The following NRXN3 variants were observed in gnomAD, a reference collection of about 807,000 sequenced individuals.
NRXN3 encodes neurexin 3.
In NRXN3, 32 loss-of-function variants were observed where a neutral mutation model predicts 137.6. That is an observed-to-expected ratio of 0.23 (90% CI 0.18 to 0.31). The LOEUF (loss-of-function observed/expected upper bound fraction) is 0.31, where lower values mean the gene tolerates loss of function less well. Among genes scored for constraint, NRXN3 ranks in the 10% least tolerant of loss-of-function variants. The pLI, the probability that NRXN3 is intolerant of heterozygous loss-of-function variation, is 1.00. For missense variants in NRXN3, 1,574 were observed against 2,062.5 expected (o/e 0.76, Z 4.59); for synonymous variants, 798 against 784.5 (o/e 1.02, Z -0.29).
intron 16 of NRXN3, among the ~76,000 whole-genome samples, chr14:79,548,747 TAAA>T (rs35900297): frequency 2.8e-5 from 4 of 141,890 alleles, no homozygotes; most frequent in South Asian, 2.2e-4. Flanking sequence ...ATTTAAAGAT[TAAA>T]AAAAAAAAAA....
intron 8 of NRXN3, among the ~76,000 whole-genome samples, chr14:78,796,820 G>C (rs1378517535): frequency 1.3e-5 from 2 of 151,918 alleles, no homozygotes; most frequent in Non-Finnish European, 2.9e-5. Context: ...GAACAATAAG[G>C]TACTCTTACT....
At chr14:78,520,664 T>C (rs2096272147) in intron 4 of NRXN3, among the ~76,000 whole-genome samples, 2 of 152,206 alleles carry the variant, frequency 1.3e-5, no homozygotes, top group South Asian at 4.1e-4. Flanking sequence ...ATTTGTAAAA[T>C]GTAGACAGGT....
intron 4 of NRXN3, among the ~76,000 whole-genome samples, chr14:78,606,246 A>G (rs538111878): frequency 6.6e-6 from 1 of 152,242 alleles, no homozygotes; most frequent in Admixed American, 6.5e-5. Context: ...TGCTCAATGC[A>G]TGACTCTTGA....
chr14:79,226,103 A>T (rs374870597), intron 15 of NRXN3, among the ~76,000 whole-genome samples: 1 of 152,060 alleles, frequency 6.6e-6, no homozygotes, highest in African/African-American at 2.4e-5. Flanking sequence ...TAGGATGTGG[A>T]CGTCTTTCAG....
chr14:79,628,556 G>A (rs1415394446), intron 16 of NRXN3, among the ~76,000 whole-genome samples: 1 of 152,096 alleles, frequency 6.6e-6, no homozygotes, highest in Non-Finnish European at 1.5e-5. Context: ...TCCTTGTGAG[G>A]GCAGATATTG....
chr14:78,801,738 T>C (rs1011841556), intron 8 of NRXN3, among the ~76,000 whole-genome samples: 1 of 152,242 alleles, frequency 6.6e-6, no homozygotes, highest in Admixed American at 6.5e-5. Context: ...TTTATGTCTA[T>C]AGAGATACTA....
Position 79,784,213 on chromosome 14 carries a change from T to G in NRXN3, c.4015-20899T>G, listed in dbSNP as rs146352875. Reference sequence around the variant, plus strand: ...GGTGTGCTCTGTGGTTATTAACCTGTTGTTGAAACCCTGACTTCAGTTCTA... The same window carrying G: ...GGTGTGCTCTGTGGTTATTAACCTGGTGTTGAAACCCTGACTTCAGTTCTA... On this transcript the variant is annotated intron_variant, in intron 19 of 20. Coordinates refer to ENST00000335750, the MANE Select transcript of NRXN3 (RefSeq NM_001330195.2). Among the ~76,000 whole-genome samples the G allele has an allele frequency of 1.6e-3, 249 of 152,330 alleles. 1 individual carries two copies. The highest frequency in any genetic ancestry group is 5.9e-3 in the African/African-American group (245 of 41,572).
chr14:79,785,755 G>A (rs2099127525), intron 19 of NRXN3, among the ~76,000 whole-genome samples: 1 of 152,102 alleles, frequency 6.6e-6, no homozygotes, highest in African/African-American at 2.4e-5. Flanking sequence ...AATGATTGGT[G>A]AGTCATCAAC....
chr14:79,793,294 C>T (rs1353568018), intron 19 of NRXN3, among the ~76,000 whole-genome samples: 1 of 152,034 alleles, frequency 6.6e-6, no homozygotes, highest in South Asian at 2.1e-4. Flanking sequence ...ATCAGCCGGG[C>T]GCCCCAGCTA....
At chr14:78,485,313 T>C (rs1278632835) in intron 4 of NRXN3, among the ~76,000 whole-genome samples, 1 of 152,160 alleles carries the variant, frequency 6.6e-6, no homozygotes, top group Non-Finnish European at 1.5e-5. Flanking sequence ...CAAAATAAGT[T>C]GCTCCCTTTC....
chr14:78,424,205 C>T (rs890087264), intron 4 of NRXN3, among the ~76,000 whole-genome samples: 4 of 152,210 alleles, frequency 2.6e-5, no homozygotes, highest in Non-Finnish European at 4.4e-5. Context: ...TGTTTTCTTA[C>T]CACATTGTTC....
At chr14:78,347,437 C>G (rs538365125) in intron 4 of NRXN3, among the ~76,000 whole-genome samples, 1 of 152,292 alleles carries the variant, frequency 6.6e-6, no homozygotes, top group South Asian at 2.1e-4. Context: ...TTTTACCAAG[C>G]CACTCCCTGG....
intron 16 of NRXN3, among the ~76,000 whole-genome samples, chr14:79,564,893 C>G (rs1053809708): frequency 2.0e-5 from 3 of 151,782 alleles, no homozygotes; most frequent in African/African-American, 7.3e-5. Context: ...TAAAATGATG[C>G]CAGAGTCTGA....
chr14:79,828,132 A>C (rs2099311060), intron 20 of NRXN3, among the ~76,000 whole-genome samples: 1 of 152,278 alleles, frequency 6.6e-6, no homozygotes, highest in East Asian at 1.9e-4. Flanking sequence ...CAAGAGATTC[A>C]GGCAGAGACA....
At chr14:79,136,617 C>T (rs1668123230) in intron 15 of NRXN3, among the ~76,000 whole-genome samples, 1 of 152,286 alleles carries the variant, frequency 6.6e-6, no homozygotes, top group South Asian at 2.1e-4. Context: ...CTGACAATTG[C>T]TAAGTCCCGG....
rs76925403 is a variant in NRXN3 at position 78,354,499 on chromosome 14, C to T, written c.757+56639C>T. Among the ~76,000 whole-genome samples, 514 of 152,278 alleles carry T rather than the reference C, an allele frequency of 3.4e-3. 2 individuals carry two copies. The highest frequency in any genetic ancestry group is 0.012 in the African/African-American group (486 of 41,556). On this transcript the variant is annotated intron_variant, in intron 4 of 20. Transcript: ENST00000335750. ...GAGATGAGATGCCAAAGTCTCACTG[C>T]CTCTTTCGCTCCCCATGCAGCTGAA...
chr14:79,717,499 C>T (rs886243393), intron 19 of NRXN3, among the ~76,000 whole-genome samples: 5 of 152,218 alleles, frequency 3.3e-5, no homozygotes, highest in African/African-American at 7.2e-5. Flanking sequence ...CTGGGTCAGG[C>T]TTTTATTTAA....
At chr14:78,181,387 A>G (rs190547626) in intron 1 of NRXN3, among the ~76,000 whole-genome samples, 1 of 152,246 alleles carries the variant, frequency 6.6e-6, no homozygotes, top group Admixed American at 6.5e-5. Context: ...TGTTCCATGC[A>G]CTTGTGAAGT....
At chr14:78,976,021 C>T (rs937659073) in intron 14 of NRXN3, among the ~76,000 whole-genome samples, 6 of 152,098 alleles carry the variant, frequency 3.9e-5, no homozygotes, top group South Asian at 2.1e-4. Context: ...AGAATGACAG[C>T]TTCTACAGAA....
Sources: gnomAD v4.1 joint callset for allele counts (sites outside exome capture counted in the v4.1 genomes callset) on GRCh38, gnomAD v4.1.1 for gene constraint, MANE v1.5 for transcripts, NCBI Gene and HGNC (gene_info 2026-07-23, HGNC 2026-07-21) for gene names.